SLC4A4: variants seen among roughly 807,000 people sequenced by gnomAD.
SLC4A4 encodes solute carrier family 4 member 4.
A neutral mutation model predicts 111.5 loss-of-function variants in SLC4A4; 27 were observed. The observed-to-expected ratio is 0.24, with a 90% CI of 0.18 to 0.33. The LOEUF is 0.33. Among genes scored for constraint, SLC4A4 ranks in the 10% least tolerant of loss-of-function variants. The pLI is 1.00. For missense variants in SLC4A4, 909 were observed against 1,315.5 expected, an observed-to-expected ratio of 0.69 and a Z score of 4.78; for synonymous variants, 443 against 463.4, an observed-to-expected ratio of 0.96 and a Z score of 0.57.
Position 71,357,192 on chromosome 4 carries a change from T to C in SLC4A4, c.730+5T>C. On this transcript the variant is annotated splice_donor_5th_base_variant and intron_variant, in intron 6 of 25. Coordinates refer to ENST00000264485, the MANE Select transcript of SLC4A4 (RefSeq NM_001098484.3). ...TGTTTACCAACCCTGATAATGGTAA[T>C]GCAGAGGCCAGCTGGCTGCTGCTTT... 6.2e-7 allele frequency: 1 copy of C among 1,613,646 alleles called. No individual in the cohort carries two copies. The highest frequency in any genetic ancestry group is 8.5e-7 in the Non-Finnish European group (1 of 1,179,602).
chr4:71,299,573 A>G (rs1343815649), intron 3 of SLC4A4, among the ~76,000 whole-genome samples: 1 of 152,138 alleles, frequency 6.6e-6, no homozygotes, highest in Non-Finnish European at 1.5e-5. Flanking sequence ...GTGTAGGCTT[A>G]AGCCAGGGCC....
At chr4:71,273,002 T>C (rs1247992725) in intron 3 of SLC4A4, among the ~76,000 whole-genome samples, 1 of 152,236 alleles carries the variant, frequency 6.6e-6, no homozygotes, top group Non-Finnish European at 1.5e-5. Context: ...ACTCCAATTT[T>C]GTGATTGTTC....
intron 23 of SLC4A4, among the ~76,000 whole-genome samples, chr4:71,562,664 C>A (rs2149255681): frequency 6.6e-6 from 1 of 151,590 alleles, no homozygotes; most frequent in South Asian, 2.1e-4. Flanking sequence ...TGAGATGGGT[C>A]TCCTGAATAC....
In SLC4A4 at chr4:71,208,443, A is replaced by AAAT. The variant is rs1553962712; in HGVS notation, c.-2+21043_-2+21044insATA. 3.0e-3 allele frequency among the ~76,000 whole-genome samples: 438 copies of AAAT among 144,832 alleles called. 3 individuals are homozygous for AAAT. The highest frequency in any genetic ancestry group is 9.2e-3 in the African/African-American group (358 of 39,084). On this transcript the variant is annotated intron_variant, in intron 1 of 25. Transcript: ENST00000264485. ...GAGACTCCGTCTCAAAAAAAAAAAA[A>AAAT]ATATATATATATATAATAAAACAAT...
At chr4:71,408,924 G>A (rs538526799) in intron 7 of SLC4A4, among the ~76,000 whole-genome samples, 2 of 152,122 alleles carry the variant, frequency 1.3e-5, no homozygotes, top group South Asian at 4.1e-4. Flanking sequence ...GAATCATGGG[G>A]GCCAGTTTTT....
chr4:71,533,579 T>C (rs1417478099), intron 17 of SLC4A4, among the ~76,000 whole-genome samples: 1 of 150,648 alleles, frequency 6.6e-6, no homozygotes, highest in East Asian at 1.9e-4. Context: ...ACTGCAAAAA[T>C]GACAGTTTTT....
upstream of SLC4A4, among the ~76,000 whole-genome samples, chr4:71,183,047 T>C (rs910011287): frequency 1.3e-4 from 20 of 152,222 alleles, no homozygotes; most frequent in Non-Finnish European, 2.1e-4. Flanking sequence ...GATTTGCATA[T>C]TTCTCTATCA....
chr4:71,076,761 C>T (rs932356282), intron 1 of SLC4A4, among the ~76,000 whole-genome samples: 12 of 151,990 alleles, frequency 7.9e-5, no homozygotes, highest in East Asian at 1.9e-4. Flanking sequence ...AAGGTTGAAG[C>T]GGGCAGATTG....
At chr4:71,123,127 A>G (rs1420117615) in intron 2 of SLC4A4, among the ~76,000 whole-genome samples, 1 of 152,200 alleles carries the variant, frequency 6.6e-6, no homozygotes, top group Non-Finnish European at 1.5e-5. Flanking sequence ...AAGATATGGA[A>G]AATAGGAGAG....
intron 2 of SLC4A4, among the ~76,000 whole-genome samples, chr4:71,240,860 A>G (rs1012412862): frequency 1.3e-4 from 20 of 152,148 alleles, no homozygotes; most frequent in African/African-American, 4.6e-4. Flanking sequence ...GGTCATGCCT[A>G]TAATCCTAGC....
chr4:71,234,767 A>G (rs1359303260), intron 1 of SLC4A4, among the ~76,000 whole-genome samples: 1 of 152,128 alleles, frequency 6.6e-6, no homozygotes, highest in African/African-American at 2.4e-5. Flanking sequence ...TTCCACCAGA[A>G]TCTTGATGGC....
intron 2 of SLC4A4, among the ~76,000 whole-genome samples, chr4:71,251,122 T>G (rs1308387201): frequency 6.6e-6 from 1 of 152,204 alleles, no homozygotes; most frequent in Non-Finnish European, 1.5e-5. Flanking sequence ...AACCATCCAC[T>G]CAGCTATAGA....
chr4:71,204,003 T>C (rs565342750), intron 1 of SLC4A4, among the ~76,000 whole-genome samples: 1 of 152,318 alleles, frequency 6.6e-6, no homozygotes, highest in South Asian at 2.1e-4. Context: ...AAAGCCATGT[T>C]ATTAGAATTT....
chr4:71,140,108 C>T (rs1045410479), intron 2 of SLC4A4, among the ~76,000 whole-genome samples: 2 of 152,136 alleles, frequency 1.3e-5, no homozygotes, highest in Non-Finnish European at 2.9e-5. Flanking sequence ...GAACACATAG[C>T]ATCCAATGGG....
intron 1 of SLC4A4, among the ~76,000 whole-genome samples, chr4:71,063,954 T>C (rs1391624476): frequency 6.9e-6 from 1 of 145,780 alleles, no homozygotes; most frequent in African/African-American, 2.8e-5. Context: ...TGCTTTATTG[T>C]TTGCAAAGTG....
chr4:71,547,425 C>T (rs1468581749), intron 19 of SLC4A4, among the ~76,000 whole-genome samples: 1 of 151,952 alleles, frequency 6.6e-6, no homozygotes, highest in Non-Finnish European at 1.5e-5. Flanking sequence ...TTACTTCTTT[C>T]TTCGTGAATT....
chr4:71,067,499 C>T (rs960199367), intron 1 of SLC4A4, among the ~76,000 whole-genome samples: 1 of 152,060 alleles, frequency 6.6e-6, no homozygotes, highest in Non-Finnish European at 1.5e-5. Context: ...TTGATGAAGC[C>T]ATAGTTCATT....
At chr4:71,159,802 C>A (rs796352769) in intron 2 of SLC4A4, among the ~76,000 whole-genome samples, 4 of 152,168 alleles carry the variant, frequency 2.6e-5, no homozygotes, top group African/African-American at 9.7e-5. Context: ...CAGTGATGAT[C>A]AACTAGCCTA....
chr4:71,092,624 G>T (rs1578471995), intron 1 of SLC4A4, among the ~76,000 whole-genome samples: 1 of 152,184 alleles, frequency 6.6e-6, no homozygotes, highest in African/African-American at 2.4e-5. Flanking sequence ...AGGGCAAGAA[G>T]AAGAGATTCT....
Sources: allele counts gnomAD v4.1 joint callset (sites outside exome capture counted in the v4.1 genomes callset), GRCh38; gene constraint gnomAD v4.1.1; transcripts MANE v1.5; gene names NCBI Gene and HGNC (gene_info 2026-07-23, HGNC 2026-07-21).